TBC1D8B: variants seen among roughly 807,000 people sequenced by gnomAD.
TBC1D8B encodes the protein TBC1 domain family member 8B.
TBC1D8B carries 75 observed loss-of-function variants against 82.9 expected under a neutral mutation model. That is an observed-to-expected ratio of 0.90 (90% confidence interval 0.75 to 1.10). The LOEUF is 1.10. Among genes scored for constraint, TBC1D8B ranks in the 50% least tolerant of loss-of-function variants. The pLI, the probability that TBC1D8B is intolerant of heterozygous loss-of-function variation, is 0.00. For missense variants in TBC1D8B, 794 were observed against 796.9 expected (o/e 1.00, Z 0.04); for synonymous variants, 276 against 276.8 (o/e 1.00, Z 0.03).
At position 106,840,806 on chromosome X, in the gene TBC1D8B, G is replaced by C. The variant is rs936797666; in HGVS notation, c.1641G>C (p.Gln547His). 1.7e-6 allele frequency: 2 copies of C among 1,209,312 alleles called. No homozygotes were observed. The highest frequency in any genetic ancestry group is 2.2e-6 in the Non-Finnish European group (2 of 894,978). Reference protein sequence around the residue: ...RRSLPEHPAFQSDTGISALRR... With the variant: ...RRSLPEHPAFHSDTGISALRR... ...CTCTGCCTGAGCACCCAGCCTTTCAGAGTGATACTGGCATATCTGCTCTGA... is the reference window on the plus strand; with the variant it reads ...CTCTGCCTGAGCACCCAGCCTTTCACAGTGATACTGGCATATCTGCTCTGA... The change falls in exon 10 of 21, where the codon CAG becomes CAC. Residue 547 changes from glutamine to histidine, a missense_variant. By Grantham distance (24) the Gln-to-His change is conservative. Transcript: ENST00000357242.
intron 14 of TBC1D8B, among the ~76,000 whole-genome samples, chrX:106,862,700 C>A (rs770916456): frequency 2.0e-5 from 2 of 101,291 alleles, no homozygotes; most frequent in South Asian, 9.6e-4. Flanking sequence ...AGTTCTTGTG[C>A]TGGTTCTTTC....
rs1216159240 is a variant in TBC1D8B at position 106,827,193 on chromosome X, T to C, written c.1059T>C (p.Asn353=). The C allele has an allele frequency of 5.0e-6, 6 of 1,211,052 alleles. No individual in the cohort carries two copies. Among genetic ancestry groups the C allele is most frequent in the Non-Finnish European group, 5.6e-6 (5 of 895,006 alleles). ...LREVLAIDKT[N]DSSKSVIISI... The stretch of plus-strand genomic sequence containing the variant: ...AGGTCTTAGCTATAGATAAGACAAA[T>C]GATTCCAGCAAATCTGTCATCATTA... The change falls in exon 7 of 21, where the codon AAT becomes AAC. Residue 353 remains asparagine, a synonymous_variant. Transcript: ENST00000357242.
intron 1 of TBC1D8B, among the ~76,000 whole-genome samples, chrX:106,810,960 A>G (rs953312596): frequency 8.9e-5 from 10 of 111,964 alleles, no homozygotes; most frequent in Non-Finnish European, 1.1e-4. Context: ...TAGAAAACTA[A>G]TATTTCCTGT....
chrX:106,868,231 A>G (rs1932826286), intron 17 of TBC1D8B, among the ~76,000 whole-genome samples, 162 bp from the exon 18 acceptor site: 1 of 110,474 alleles, frequency 9.1e-6, no homozygotes, highest in Non-Finnish European at 1.9e-5. Context: ...TAATTACTAT[A>G]TATTACAGTA....
rs1380613905 is a variant in TBC1D8B, at chrX:106,836,067, C to T, written c.1204-3241C>T. Reference sequence around the variant, plus strand: ...CTGGTACCAATTTACTATATTAGTCCTTTCTTACACTGGTATGAAGAAATA... The same window carrying T: ...CTGGTACCAATTTACTATATTAGTCTTTTCTTACACTGGTATGAAGAAATA... On this transcript the variant is annotated intron_variant, in intron 7 of 20. Transcript: ENST00000357242. Among the ~76,000 whole-genome samples the T allele has an allele frequency of 2.7e-5, 3 of 111,758 alleles. No homozygotes were observed. The South Asian group carries it at 1.1e-3, about 42-fold the overall frequency.
intron 1 of TBC1D8B, among the ~76,000 whole-genome samples, chrX:106,811,677 T>C (rs1050083174): frequency 8.9e-6 from 1 of 112,356 alleles, no homozygotes; most frequent in Non-Finnish European, 1.9e-5. Flanking sequence ...TACCAGTTTA[T>C]TCATTTGCTA....
intron 10 of TBC1D8B, among the ~76,000 whole-genome samples, chrX:106,846,256 A>G (rs1274147236): frequency 9.4e-6 from 1 of 106,719 alleles, no homozygotes; most frequent in South Asian, 4.4e-4. Flanking sequence ...GTGCACCACC[A>G]TGCCCTGCTA....
At chrX:106,809,986 T>C (rs1228211064) in intron 1 of TBC1D8B, among the ~76,000 whole-genome samples, 2 of 111,219 alleles carry the variant, frequency 1.8e-5, no homozygotes, top group Non-Finnish European at 3.8e-5. Context: ...ACCAATACAA[T>C]TGCTAGTGTA....
intron 11 of TBC1D8B, chrX:106,849,225 T>C: frequency 9.8e-7 from 1 of 1,017,768 alleles, no homozygotes; most frequent in Non-Finnish European, 1.3e-6. Context: ...TGTGTATTTT[T>C]TTTTTTTTTT....
intron 1 of TBC1D8B, among the ~76,000 whole-genome samples, chrX:106,810,950 T>G (rs1465365565): frequency 9.0e-6 from 1 of 111,570 alleles, no homozygotes; most frequent in African/African-American, 3.3e-5. Flanking sequence ...CATACCTAAG[T>G]AGAAAACTAA....
chrX:106,868,539 C>A, intron 18 of TBC1D8B, 63 bp downstream of exon 18: 1 of 756,421 alleles, frequency 1.3e-6, no homozygotes, highest in Non-Finnish European at 1.8e-6. Context: ...ATCTTGCTGA[C>A]TTAGATATAC....
intron 10 of TBC1D8B, among the ~76,000 whole-genome samples, chrX:106,843,969 G>A (rs1273678955): frequency 1.8e-5 from 2 of 110,860 alleles, no homozygotes; most frequent in Non-Finnish European, 3.8e-5. Context: ...TTAATTTTTT[G>A]TTATTATAGT....
chrX:106,865,506 C>A (rs1327129168), intron 14 of TBC1D8B, 53 bp from the exon 15 acceptor site: 1 of 993,884 alleles, frequency 1.0e-6, no homozygotes, highest in Admixed American at 2.6e-5. Context: ...AAGAGAATTT[C>A]TTTACTGCAA....
At chrX:106,848,123 G>T (rs950398120) in intron 10 of TBC1D8B, 63 bp from the exon 11 acceptor site, 12 of 761,055 alleles carry the variant, frequency 1.6e-5, no homozygotes, top group Non-Finnish European at 2.3e-5. Context: ...TATTATGTTT[G>T]AAGAAGTATA....
chrX:106,813,466 C>T (rs1378910279), intron 1 of TBC1D8B, among the ~76,000 whole-genome samples: 1 of 111,791 alleles, frequency 8.9e-6, no homozygotes, highest in Non-Finnish European at 1.9e-5. Flanking sequence ...TAGTACAAGG[C>T]GCTTATAATC....
chrX:106,844,352 C>T (rs1317659157), intron 10 of TBC1D8B, among the ~76,000 whole-genome samples: 1 of 108,758 alleles, frequency 9.2e-6, no homozygotes, highest in African/African-American at 3.3e-5. Context: ...TCTTGTAGAT[C>T]ATCTTTATCA....
chrX:106,810,175 G>C (rs1356791963), intron 1 of TBC1D8B, among the ~76,000 whole-genome samples: 1 of 111,913 alleles, frequency 8.9e-6, no homozygotes, highest in African/African-American at 3.2e-5. Context: ...TGGTGGCAAA[G>C]TTCCAGTGTG....
intron 10 of TBC1D8B, among the ~76,000 whole-genome samples, chrX:106,843,031 T>TAA (rs1325898592): frequency 5.4e-5 from 6 of 112,008 alleles, no homozygotes; most frequent in African/African-American, 1.9e-4. Flanking sequence ...TCAGGACTTC[T>TAA]TTCTTATGAT....
chrX:106,864,923 T>C (rs766011940), intron 14 of TBC1D8B, among the ~76,000 whole-genome samples: 3 of 112,286 alleles, frequency 2.7e-5, no homozygotes, highest in Non-Finnish European at 3.8e-5. Flanking sequence ...GTCTATCTTA[T>C]TGATTTTTTC....
Sources: allele counts gnomAD v4.1 joint callset (sites outside exome capture counted in the v4.1 genomes callset), GRCh38; gene constraint gnomAD v4.1.1; transcripts MANE v1.5; gene names NCBI Gene and HGNC (gene_info 2026-07-23, HGNC 2026-07-21).